Variants in MAML3 observed in about 807,000 individuals in gnomAD.
The protein encoded by MAML3 is mastermind like transcriptional coactivator 3.
Under a neutral mutation model 101.9 loss-of-function variants are expected in MAML3, and 27 were observed. That is an observed-to-expected ratio of 0.27 (90% CI 0.20 to 0.37). The LOEUF (loss-of-function observed/expected upper bound fraction) is 0.37. Among genes scored for constraint, MAML3 ranks in the 10% least tolerant of loss-of-function variants. MAML3 has a pLI of 1.00. For synonymous variants in MAML3, 501 were observed against 555.9 expected (o/e 0.90, Z 1.39); for missense variants, 1,316 against 1,444.9 (o/e 0.91, Z 1.45).
chr4:139,864,428 C>T (rs966921789), intron 2 of MAML3, among the ~76,000 whole-genome samples: 1 of 152,090 alleles, frequency 6.6e-6, no homozygotes, highest in Non-Finnish European at 1.5e-5. Flanking sequence ...CCTGTAATCC[C>T]AGCACTTTGG....
At chr4:140,019,924 T>G (rs1004596788) in intron 1 of MAML3, among the ~76,000 whole-genome samples, 3 of 152,180 alleles carry the variant, frequency 2.0e-5, no homozygotes, top group African/African-American at 4.8e-5. Flanking sequence ...AGTACTAAAG[T>G]TTGTCCTTAT....
intron 1 of MAML3, among the ~76,000 whole-genome samples, chr4:140,105,411 C>T (rs879784230): frequency 2.6e-5 from 4 of 152,204 alleles, no homozygotes; most frequent in Non-Finnish European, 1.5e-5. Context: ...AAGTCTCCTG[C>T]TCCTGTGCTA....
chr4:139,943,864 C>CTTTTTTTT lies in MAML3; in HGVS notation c.469-52905_469-52898dup, dbSNP rs10644498. Among the ~76,000 whole-genome samples, 118 of 65,858 alleles carry CTTTTTTTT rather than the reference C, an allele frequency of 1.8e-3. 11 individuals carry two copies. The highest frequency in any genetic ancestry group is 6.3e-3 in the African/African-American group (108 of 17,078). 43.2% of individuals were successfully genotyped at this position (65,858 alleles called of 152,430 possible). On this transcript the variant is annotated intron_variant, in intron 1 of 4. Coordinates refer to ENST00000509479, the MANE Select transcript of MAML3 (RefSeq NM_018717.5). ...GGTTGGGTTGTGGGCCTAAAGACAA[C>CTTTTTTTT]TTTTTTTTTTTTTTTTTTTTTTTTG...
intron 2 of MAML3, among the ~76,000 whole-genome samples, chr4:139,733,357 G>C (rs1728798915): frequency 6.6e-6 from 1 of 152,044 alleles, no homozygotes; most frequent in South Asian, 2.1e-4. Context: ...GTTTATCTTT[G>C]TGCACTTTGA....
At chr4:139,738,100 C>T (rs1175367287) in intron 2 of MAML3, among the ~76,000 whole-genome samples, 1 of 152,258 alleles carries the variant, frequency 6.6e-6, no homozygotes, top group East Asian at 1.9e-4. Flanking sequence ...TCAGCTCCAC[C>T]ATGGGCCCAG....
intron 1 of MAML3, among the ~76,000 whole-genome samples, chr4:139,938,432 A>G (rs1343646338): frequency 6.6e-6 from 1 of 152,218 alleles, no homozygotes; most frequent in Non-Finnish European, 1.5e-5. Flanking sequence ...TGGGCCTACT[A>G]TCAGTTAGTA....
At chr4:139,991,889 A>T (rs1044040813) in intron 1 of MAML3, among the ~76,000 whole-genome samples, 2 of 150,890 alleles carry the variant, frequency 1.3e-5, no homozygotes, top group Non-Finnish European at 3.0e-5. Context: ...GTATATAATT[A>T]AAAAAAAAAT....
In MAML3 at chr4:139,984,079, G is replaced by A. The variant is rs954821855; in HGVS notation, c.469-93112C>T. Among the ~76,000 whole-genome samples the A allele has an allele frequency of 6.6e-5, 10 of 152,166 alleles. 1 individual carries two copies. Among genetic ancestry groups the A allele is most frequent in the South Asian group, 4.1e-4 (2 of 4,824 alleles). ...GGGAAGTAATGTATCAGGAAAACAC[G>A]GTGGGGTCCACAGATGGGATGAGTT... On this transcript the variant is annotated intron_variant, in intron 1 of 4. Coordinates refer to ENST00000509479, the MANE Select transcript of MAML3 (RefSeq NM_018717.5).
At chr4:139,727,717 A>G (rs796992525) in intron 3 of MAML3, among the ~76,000 whole-genome samples, 8 of 152,330 alleles carry the variant, frequency 5.3e-5, no homozygotes, top group African/African-American at 1.9e-4. Flanking sequence ...CCTACTTTCA[A>G]CCTGCACTGC....
At chr4:140,126,500 C>T (rs541288470) in intron 1 of MAML3, among the ~76,000 whole-genome samples, 2 of 152,334 alleles carry the variant, frequency 1.3e-5, no homozygotes, top group South Asian at 2.1e-4. Context: ...TGGTGCTCCT[C>T]GCCAACTGGA....
chr4:139,949,222 G>C (rs1733791826), intron 1 of MAML3, among the ~76,000 whole-genome samples: 1 of 152,054 alleles, frequency 6.6e-6, no homozygotes, highest in African/African-American at 2.4e-5. Context: ...TCACCATGTT[G>C]TCCAGGATGG....
chr4:140,025,771 C>T (rs770650172), intron 1 of MAML3, among the ~76,000 whole-genome samples: 12 of 152,154 alleles, frequency 7.9e-5, no homozygotes, highest in Admixed American at 1.3e-4. Flanking sequence ...GTCCTTCTAC[C>T]CAATGCTCTC....
At chr4:139,953,302 G>A (rs757216079) in intron 1 of MAML3, among the ~76,000 whole-genome samples, 4 of 152,178 alleles carry the variant, frequency 2.6e-5, no homozygotes, top group Non-Finnish European at 4.4e-5. Context: ...AATTTGTATC[G>A]TAGGCATATG....
At chr4:139,861,958 C>T (rs1731791982) in intron 2 of MAML3, among the ~76,000 whole-genome samples, 1 of 152,124 alleles carries the variant, frequency 6.6e-6, no homozygotes, top group African/African-American at 2.4e-5. Flanking sequence ...CCTATAATCC[C>T]AGCACTTTGG....
intron 1 of MAML3, among the ~76,000 whole-genome samples, chr4:140,045,764 A>C (rs924935087): frequency 6.6e-6 from 1 of 152,218 alleles, no homozygotes; most frequent in African/African-American, 2.4e-5. Flanking sequence ...GCCCTTGGAA[A>C]GGGGTCTCGA....
At chr4:139,804,352 C>T (rs773227914) in intron 2 of MAML3, among the ~76,000 whole-genome samples, 7 of 151,928 alleles carry the variant, frequency 4.6e-5, no homozygotes, top group South Asian at 4.2e-4. Flanking sequence ...CTGCAACCTC[C>T]GCCTCCCGGG....
chr4:139,783,040 C>T (rs1036789561), intron 2 of MAML3, among the ~76,000 whole-genome samples: 6 of 152,136 alleles, frequency 3.9e-5, no homozygotes, highest in Non-Finnish European at 1.5e-5. Flanking sequence ...AGGAATCCTT[C>T]CCCAGGGCTT....
chr4:139,780,554 C>T (rs1313239134), intron 2 of MAML3, among the ~76,000 whole-genome samples: 1 of 151,968 alleles, frequency 6.6e-6, no homozygotes, highest in East Asian at 1.9e-4. Context: ...CCTGAGTAAT[C>T]CTTGAAAAAA....
intron 1 of MAML3, among the ~76,000 whole-genome samples, chr4:140,049,461 T>G (rs1177758861): frequency 1.3e-5 from 2 of 151,984 alleles, no homozygotes; most frequent in Non-Finnish European, 2.9e-5. Context: ...TCAGCAAGTG[T>G]GCGGATGGTT....
Sources: gnomAD v4.1 joint callset for allele counts (sites outside exome capture counted in the v4.1 genomes callset) on GRCh38, gnomAD v4.1.1 for gene constraint, MANE v1.5 for transcripts, NCBI Gene and HGNC (gene_info 2026-07-23, HGNC 2026-07-21) for gene names.